The following TDRD5 variants were observed in gnomAD, a reference collection of about 807,000 sequenced individuals.
TDRD5 encodes the protein tudor domain containing 5.
In TDRD5, 41 loss-of-function variants were observed where a neutral mutation model predicts 120.6. The ratio of observed to expected loss-of-function variants is 0.34; its 90% CI spans 0.26 to 0.44. The LOEUF (loss-of-function observed/expected upper bound fraction) is 0.44. Ranked by LOEUF, TDRD5 falls within the 20% of genes least tolerant of loss-of-function variation. TDRD5 has a pLI of 1.00. For synonymous variants in TDRD5, 430 were observed against 433.7 expected (o/e 0.99, Z 0.11); for missense variants, 1,006 against 1,221.2 (o/e 0.82, Z 2.63).
At chr1:179,681,753 C>T (rs1394140326) in intron 17 of TDRD5, among the ~76,000 whole-genome samples, 1 of 149,646 alleles carries the variant, frequency 6.7e-6, no homozygotes, top group Non-Finnish European at 1.5e-5. Context: ...TTTTCTGTCA[C>T]CCTTCGCCCC....
chr1:179,681,799 C>G (rs1239871822), intron 17 of TDRD5, among the ~76,000 whole-genome samples: 1 of 149,592 alleles, frequency 6.7e-6, no homozygotes, highest in African/African-American at 2.5e-5. Context: ...TTTGGTAGAC[C>G]ATTGGATGTT....
intron 6 of TDRD5, among the ~76,000 whole-genome samples, chr1:179,624,471 A>G (rs899626736): frequency 3.3e-5 from 5 of 152,186 alleles, no homozygotes; most frequent in Admixed American, 1.3e-4. Flanking sequence ...CTAAAAGAAA[A>G]AACGTAAAAC....
chr1:179,629,791 A>G (rs537124138), intron 6 of TDRD5, among the ~76,000 whole-genome samples: 17 of 152,200 alleles, frequency 1.1e-4, no homozygotes, highest in Non-Finnish European at 2.2e-4. Context: ...TATGGAATAA[A>G]TAACATGATA....
intron 17 of TDRD5, among the ~76,000 whole-genome samples, chr1:179,688,319 G>C (rs1326233429): frequency 6.6e-6 from 1 of 152,122 alleles, no homozygotes; most frequent in African/African-American, 2.4e-5. Context: ...AGTTTGGCTG[G>C]ATATGAAATT....
At chr1:179,643,693 TA>T (rs1279190872) in intron 11 of TDRD5, among the ~76,000 whole-genome samples, 1 of 152,056 alleles carries the variant, frequency 6.6e-6, no homozygotes. Context: ...GACAGAGACT[TA>T]AGGAAGTCTA....
At chr1:179,623,414 A>G (rs970648765) in intron 6 of TDRD5, among the ~76,000 whole-genome samples, 2 of 152,164 alleles carry the variant, frequency 1.3e-5, no homozygotes, top group Non-Finnish European at 2.9e-5. Flanking sequence ...AATGTAATGC[A>G]TATGAAAACT....
intron 12 of TDRD5, 94 bp downstream of exon 12, chr1:179,651,161 T>C: frequency 2.2e-6 from 3 of 1,354,280 alleles, no homozygotes; most frequent in South Asian, 2.8e-5. Flanking sequence ...ATTTGGTTTA[T>C]TCTTTAACCA....
At chr1:179,623,786 G>A (rs1194943737) in intron 6 of TDRD5, among the ~76,000 whole-genome samples, 1 of 147,274 alleles carries the variant, frequency 6.8e-6, no homozygotes, top group Non-Finnish European at 1.5e-5. Flanking sequence ...GACATGTGGT[G>A]CCATGCCCAG....
intron 12 of TDRD5, among the ~76,000 whole-genome samples, chr1:179,651,500 G>A (rs1028691660): frequency 7.2e-5 from 11 of 151,980 alleles, no homozygotes; most frequent in Non-Finnish European, 1.6e-4. Context: ...ATCTGAAACT[G>A]TCCTAGAGAA....
At chr1:179,633,767 A>G (rs1185482463) in intron 7 of TDRD5, among the ~76,000 whole-genome samples, 1 of 152,224 alleles carries the variant, frequency 6.6e-6, no homozygotes, top group Non-Finnish European at 1.5e-5. Flanking sequence ...ATGGAATATT[A>G]AGTAGTTACA....
chr1:179,612,869 G>A (rs1413866093), intron 4 of TDRD5, among the ~76,000 whole-genome samples: 1 of 150,066 alleles, frequency 6.7e-6, no homozygotes, highest in Non-Finnish European at 1.5e-5. Flanking sequence ...CCAGGAGGCA[G>A]AGGTTGCAGT....
At chr1:179,624,806 CA>C (rs1677030124) in intron 6 of TDRD5, among the ~76,000 whole-genome samples, 1 of 152,056 alleles carries the variant, frequency 6.6e-6, no homozygotes, top group Non-Finnish European at 1.5e-5. Context: ...ATTATATGAA[CA>C]TGATAACATT....
chr1:179,688,989 A>G (rs1012926310), intron 17 of TDRD5, among the ~76,000 whole-genome samples: 4 of 152,174 alleles, frequency 2.6e-5, no homozygotes, highest in African/African-American at 4.8e-5. Flanking sequence ...ATGGGTTCGA[A>G]CATCCTCCTT....
intron 6 of TDRD5, among the ~76,000 whole-genome samples, chr1:179,629,940 A>G (rs1201318131): frequency 6.6e-6 from 1 of 150,782 alleles, no homozygotes; most frequent in East Asian, 1.9e-4. Context: ...ACTGTATGCT[A>G]TGGGAAATAC....
At chr1:179,625,913 AG>A (rs1418609587) in intron 6 of TDRD5, among the ~76,000 whole-genome samples, 1 of 152,158 alleles carries the variant, frequency 6.6e-6, no homozygotes, top group Non-Finnish European at 1.5e-5. Context: ...TGTCCTTTGT[AG>A]GGACATGGAT....
intron 9 of TDRD5, 66 bp downstream of exon 9, chr1:179,635,953 C>T (rs1014995680): frequency 4.0e-5 from 59 of 1,457,910 alleles, no homozygotes; most frequent in African/African-American, 4.2e-5. Flanking sequence ...TCAAACATTT[C>T]GGTTTCAGGA....
Position 179,690,751 on chromosome 1 carries a change from T to G in TDRD5, c.2916T>G (p.Ile972Met). The change falls in exon 18 of 18, where the codon ATT (isoleucine) becomes ATG (methionine). Residue 972 changes from isoleucine (I) to methionine (M), a missense_variant. Ile to Met is a conservative substitution (Grantham distance 10). Coordinates refer to ENST00000444136, the MANE Select transcript of TDRD5 (RefSeq NM_001199085.3). Reference protein sequence around the residue: ...KNEDFSSSRAITLYKDKRQES... With the variant: ...KNEDFSSSRAMTLYKDKRQES... ...AAGATTTTTCTAGCAGCCGTGCTAT[T>G]ACATTGTACAAAGACAAGCGTCAAG... The G allele has an allele frequency of 1.2e-6, 2 of 1,614,266 alleles. No individual in the cohort carries two copies. Among genetic ancestry groups the G allele is most frequent in the Non-Finnish European group, 1.7e-6 (2 of 1,180,052 alleles).
intron 1 of TDRD5, 176 bp downstream of exon 1, chr1:179,592,301 C>T: frequency 3.1e-6 from 1 of 318,890 alleles, no homozygotes; most frequent in Non-Finnish European, 6.0e-6. Flanking sequence ...TCCCGAGGAG[C>T]CCCTGAAGGC....
Position 179,644,554 on chromosome 1 carries a change from A to G in TDRD5, c.1800+4109A>G, listed in dbSNP as rs1310775128. The stretch of plus-strand genomic sequence containing the variant: ...TGTTTCAACTTTTACCACCCCAACA[A>G]AAAATTAAAATGTAGTATTTATAGT... On this transcript the variant is annotated intron_variant, in intron 11 of 17. Transcript: ENST00000444136. 2.0e-5 allele frequency among the ~76,000 whole-genome samples: 3 copies of G among 152,102 alleles called. No individual in the cohort carries two copies. In the East Asian group the frequency reaches 5.8e-4, roughly 29 times the overall value.
Sources: gnomAD v4.1 joint callset for allele counts (sites outside exome capture counted in the v4.1 genomes callset) on GRCh38, gnomAD v4.1.1 for gene constraint, MANE v1.5 for transcripts, NCBI Gene and HGNC (gene_info 2026-07-23, HGNC 2026-07-21) for gene names.